C2: variants seen among roughly 807,000 people sequenced by gnomAD.
The protein encoded by C2 is C3/C5 convertase.
C2 carries 64 observed loss-of-function variants against 85.2 expected under a neutral mutation model. The ratio of observed to expected loss-of-function variants is 0.75; its 90% CI spans 0.61 to 0.92. The LOEUF is 0.92. Ranked by LOEUF, C2 falls within the 40% of genes least tolerant of loss-of-function variation. The pLI is 0.00. For missense variants in C2, 820 were observed against 971.6 expected (o/e 0.84, Z 2.07); for synonymous variants, 311 against 370.8 (o/e 0.84, Z 1.85).
At chr6:31,914,314 C>A (rs552794071) in intron 1 of C2, among the ~76,000 whole-genome samples, 1 of 150,774 alleles carries the variant, frequency 6.6e-6, no homozygotes, top group South Asian at 2.1e-4. Flanking sequence ...CCTGAGTGGC[C>A]GGGCGCGGTG....
intron 1 of C2, among the ~76,000 whole-genome samples, chr6:31,910,172 C>T (rs1466164987): frequency 6.6e-6 from 1 of 151,756 alleles, no homozygotes; most frequent in African/African-American, 2.4e-5. Flanking sequence ...AGCCACCGCG[C>T]CTGGCTTGTT....
At chr6:31,901,366 C>T in intron 1 of C2, 1 of 1,519,950 alleles carries the variant, frequency 6.6e-7, no homozygotes, top group East Asian at 2.3e-5. Flanking sequence ...AGGTCTCTGG[C>T]TCTCCGAAGC....
chr6:31,928,685 G>A lies in C2; in HGVS notation c.257-47G>A, dbSNP rs374124173. On this transcript the variant is annotated intron_variant, in intron 2 of 17. Transcript: ENST00000299367. ...CACCTGCTTAATCCCCAGCCCAGGT[G>A]TTATCCATCCAGTCCTATATTCCCC... is the stretch of plus-strand genomic sequence containing the variant. 13 of 1,589,794 alleles carry A rather than the reference G, an allele frequency of 8.2e-6. No individual in the cohort carries two copies. The African/African-American group carries it at 1.1e-4, about 13-fold the overall frequency.
chr6:31,939,282 A>G lies in C2; in HGVS notation c.1181A>G (p.Glu394Gly). ...AAGACAGCTGTTGACCATATCAGAG[A>G]GATCCTGAACATCAACCAGAAGAGG... ...SPKTAVDHIR[E>G]ILNINQKRND... Residue 394 changes from glutamate to glycine, a missense_variant, in exon 9 of 18, where the codon GAG (glutamate) becomes GGG (glycine). Glu to Gly is a moderately conservative substitution (Grantham distance 98). Transcript: ENST00000299367. 1 of 1,612,686 alleles carries G rather than the reference A, an allele frequency of 6.2e-7. No homozygotes were observed. Among genetic ancestry groups the G allele is most frequent in the Non-Finnish European group, 8.5e-7 (1 of 1,179,916 alleles).
chr6:31,900,632 G>T, upstream of C2: 1 of 1,612,802 alleles, frequency 6.2e-7, no homozygotes, highest in Non-Finnish European at 8.5e-7. The surrounding 1 kb of genome is among the most constrained non-coding windows in gnomAD (Gnocchi z 9.7). Flanking sequence ...GCCTCCAGGG[G>T]GTTTGAGCCG....
At chr6:31,905,440 A>T (rs200757238) in intron 1 of C2, among the ~76,000 whole-genome samples, 1 of 10,408 alleles carries the variant, frequency 9.6e-5, no homozygotes, top group Non-Finnish European at 1.4e-4. Context: ...CCTGTCTTTT[A>T]AAAAAAAAAT....
At position 31,939,259 on chromosome 6, in the gene C2, G is replaced by A. The variant is rs548444259; in HGVS notation, c.1158G>A (p.Lys386=). The change falls in exon 9 of 18, where the codon AAG becomes AAA. Residue 386 remains lysine, a synonymous_variant. Coordinates refer to ENST00000299367, the MANE Select transcript of C2 (RefSeq NM_000063.6). ...AGTCCAATATGGGTGGCTCTCCCAAGACAGCTGTTGACCATATCAGAGAGA... is the reference window on the plus strand; with the variant it reads ...AGTCCAATATGGGTGGCTCTCCCAAAACAGCTGTTGACCATATCAGAGAGA... ...DGKSNMGGSP[K]TAVDHIREIL... 6.2e-7 allele frequency: 1 copy of A among 1,612,558 alleles called. No individual in the cohort carries two copies. Among genetic ancestry groups the A allele is most frequent in the South Asian group, 1.1e-5 (1 of 91,072 alleles).
intron 1 of C2, among the ~76,000 whole-genome samples, chr6:31,913,910 T>C (rs1198176754): frequency 1.3e-5 from 2 of 151,262 alleles, no homozygotes; most frequent in African/African-American, 4.8e-5. Flanking sequence ...AGTGCTGGGA[T>C]TACAGGCATG....
rs187403187 is a variant in C2, at chr6:31,910,030, G to A, written c.73+8891G>A. 7.9e-4 allele frequency among the ~76,000 whole-genome samples: 119 copies of A among 151,350 alleles called. 3 individuals are homozygous for A. The highest frequency in any genetic ancestry group is 5.9e-5 in the Non-Finnish European group (4 of 67,858). ...TGAGTAGCTGGGACTACAGTCACGCGCCACCACGCCTGGCTAATTTTTGTA... is the reference window on the plus strand; with the variant it reads ...TGAGTAGCTGGGACTACAGTCACGCACCACCACGCCTGGCTAATTTTTGTA... On this transcript the variant is annotated intron_variant, in intron 1 of 3. Coordinates refer to the C2 transcript ENST00000452202.
At chr6:31,918,580 G>A (rs150740898), upstream of C2, among the ~76,000 whole-genome samples, 159 of 151,404 alleles carry the variant, frequency 1.1e-3, 1 homozygote, top group Admixed American at 7.3e-3. Flanking sequence ...GGGTGACAGT[G>A]AGACCCTGTC....
rs1313203557 is a variant in C2 at position 31,933,717 on chromosome 6, A to G, written c.550A>G (p.Thr184Ala). 1 of 1,613,368 alleles carries G rather than the reference A, an allele frequency of 6.2e-7. No homozygotes were observed. Among genetic ancestry groups the G allele is most frequent in the Non-Finnish European group, 8.5e-7 (1 of 1,180,028 alleles). The part of the protein sequence containing the change: ...RYRCSSNLVL[T>A]GSSERECQGN... ...TCGCTGCTCCTCGAATCTTGTGCTC[A>G]CGGGGTCTTCGGAGCGGGAGTGCCA... The change falls in exon 4 of 18, where the codon ACG becomes GCG. Residue 184 changes from threonine to alanine, a missense_variant. Coordinates refer to ENST00000299367, the MANE Select transcript of C2 (RefSeq NM_000063.6).
At chr6:31,928,654 T>C (rs747191868) in intron 2 of C2, 78 bp from the exon 3 acceptor site, 9 of 1,434,526 alleles carry the variant, frequency 6.3e-6, no homozygotes, top group Non-Finnish European at 8.8e-6. Context: ...CATTCCAGCA[T>C]AAAATCACCT....
chr6:31,920,265 G>C lies in C2; in HGVS notation c.-100+239G>C, dbSNP rs1768870903. ...CCCCTTGGCAGCACTGGAGGAGTGAGGGCAGGAGGATTCTCCCATGTGAGC... is the reference window on the plus strand; with the variant it reads ...CCCCTTGGCAGCACTGGAGGAGTGACGGCAGGAGGATTCTCCCATGTGAGC... On this transcript the variant is annotated intron_variant, in intron 1 of 3. Transcript: ENST00000413154. The surrounding 1 kb of genome is among the most constrained non-coding windows in gnomAD (Gnocchi z 5.6). 1 of 152,302 alleles carries C rather than the reference G, an allele frequency of 6.6e-6. No homozygotes were observed. The highest frequency in any genetic ancestry group is 2.4e-5 in the African/African-American group (1 of 41,444). The allele number at this position is 152,302 out of a possible 1,614,324, so 9.4% of individuals were successfully genotyped here. A position where few individuals can be genotyped will look rare whatever the true frequency, so the allele number is the denominator to read the frequency against.
chr6:31,918,948 CAGACCGTCTATGAACCG>C (rs1768757231), upstream of C2, among the ~76,000 whole-genome samples: 1 of 151,072 alleles, frequency 6.6e-6, no homozygotes, highest in African/African-American at 2.4e-5. Context: ...GACATGAACC[CAGACCGTCTATGAACCG>C]AGACCGTCTA....
At position 31,944,757 on chromosome 6, in the gene C2, G is replaced by A. The variant is rs1771220443; in HGVS notation, c.1933G>A (p.Glu645Lys). The change falls in exon 16 of 18, where the codon GAA (glutamate) becomes AAA (lysine). Residue 645 changes from glutamate to lysine, a missense_variant. Glu to Lys is a moderately conservative substitution (Grantham distance 56). Coordinates refer to ENST00000299367, the MANE Select transcript of C2 (RefSeq NM_000063.6). The surrounding 1 kb of genome is among the most constrained non-coding windows in gnomAD (Gnocchi z 5.1). ...WTSCAEVVSQ[E>K]KTMFPNLTDV... ...AAGCTGTGCCGAGGTTGTCTCCCAA[G>A]AAAAAACCATGTTCCCCAACTTGAC... 1 of 1,612,954 alleles carries A rather than the reference G, an allele frequency of 6.2e-7. No homozygotes were observed.
At chr6:31,942,809 A>T in intron 9 of C2, 150 bp from the exon 10 acceptor site, 1 of 874,800 alleles carries the variant, frequency 1.1e-6, no homozygotes. Flanking sequence ...GTGGCAGGAA[A>T]TGAAGGCAGA....
At chr6:31,907,823 G>A (rs1481469543) in intron 1 of C2, among the ~76,000 whole-genome samples, 4 of 147,058 alleles carry the variant, frequency 2.7e-5, no homozygotes, top group Non-Finnish European at 5.9e-5. Flanking sequence ...GACTACAGGC[G>A]TGCGCTACCA....
Position 31,945,010 on chromosome 6 carries a change from G to A in C2, c.2060G>A (p.Arg687Gln), listed in dbSNP as rs779079998. Residue 687 changes from arginine (R) to glutamine (Q), a missense_variant, in exon 17 of 18, where the codon CGG (arginine) becomes CAG (glutamine). Physicochemically the swap from Arg to Gln is conservative, Grantham distance 43 (BLOSUM62 1). Transcript: ENST00000299367. This position sits in a 1 kb window ranked among gnomAD's most constrained non-coding sequence, Gnocchi z 5.3. ...TCTGGGGGAGCAGTTTTCCTTGAGC[G>A]GAGATTCAGGTTTTTTCAGGTGAGA... ...GESGGAVFLERRFRFFQVGLV... is the reference protein window; with the variant it reads ...GESGGAVFLEQRFRFFQVGLV... 11 of 1,612,946 alleles carry A rather than the reference G, an allele frequency of 6.8e-6. No individual in the cohort carries two copies. In the East Asian group the frequency reaches 1.1e-4, roughly 16 times the overall value.
intron 9 of C2, among the ~76,000 whole-genome samples, chr6:31,940,373 C>A (rs980167758): frequency 6.6e-6 from 1 of 152,228 alleles, no homozygotes; most frequent in Non-Finnish European, 1.5e-5. Flanking sequence ...GACCTCGATT[C>A]CCTCTGGGGA....
Sources: allele counts gnomAD v4.1 joint callset (sites outside exome capture counted in the v4.1 genomes callset), GRCh38; gene constraint gnomAD v4.1.1; non-coding constraint Gnocchi (gnomAD v3.1); transcripts MANE v1.5; gene names NCBI Gene and HGNC (gene_info 2026-07-23, HGNC 2026-07-21).